DIP2C: variants seen among roughly 807,000 people sequenced by gnomAD.
DIP2C encodes the protein DIP2 acetate--CoA ligase C (putative).
Under a neutral mutation model 192.4 loss-of-function variants are expected in DIP2C, and 33 were observed. The observed-to-expected ratio is 0.17, with a 90% confidence interval of 0.13 to 0.23. The LOEUF is 0.23. Among genes scored for constraint, DIP2C ranks in the 10% least tolerant of loss-of-function variants. DIP2C has a pLI of 1.00. For missense variants in DIP2C, 1,537 were observed against 2,110.1 expected, an observed-to-expected ratio of 0.73 and a Z score of 5.32; for synonymous variants, 979 against 864.1, an observed-to-expected ratio of 1.13 and a Z score of -2.33.
intron 17 of DIP2C, among the ~76,000 whole-genome samples, chr10:379,701 A>G (rs1962152312): frequency 6.6e-6 from 1 of 152,246 alleles, no homozygotes; most frequent in African/African-American, 2.4e-5. Flanking sequence ...ATGCATCTGC[A>G]ATTTTATTTG....
chr10:340,768 C>G (rs568516015), intron 29 of DIP2C: 18 of 457,688 alleles, frequency 3.9e-5, no homozygotes, highest in Non-Finnish European at 6.1e-5. Context: ...GCTCAGCCCT[C>G]GTGGACTCAC....
intron 32 of DIP2C, among the ~76,000 whole-genome samples, chr10:307,802 G>C (rs1237292910): frequency 6.6e-6 from 1 of 152,006 alleles, no homozygotes; most frequent in Non-Finnish European, 1.5e-5. Flanking sequence ...GAGGGCAGCA[G>C]GGAGGGTTCA....
intron 26 of DIP2C, among the ~76,000 whole-genome samples, chr10:347,998 A>G (rs1332636953): frequency 1.5e-5 from 2 of 135,528 alleles, no homozygotes; most frequent in Non-Finnish European, 3.2e-5. Flanking sequence ...CGTCGCGCAT[A>G]GCTCTCCCGG....
At chr10:607,058 G>A (rs754495760) in intron 1 of DIP2C, among the ~76,000 whole-genome samples, 11 of 152,156 alleles carry the variant, frequency 7.2e-5, no homozygotes, top group Non-Finnish European at 1.6e-4. Flanking sequence ...GGCCCTTAAC[G>A]TCCGTACATG....
intron 32 of DIP2C, among the ~76,000 whole-genome samples, chr10:299,971 A>C (rs972741760): frequency 1.3e-5 from 2 of 152,240 alleles, no homozygotes; most frequent in Non-Finnish European, 2.9e-5. Flanking sequence ...ATACCATCTC[A>C]CACCCATTAG....
chr10:662,888 C>T (rs746492847), intron 1 of DIP2C: 62 of 717,422 alleles, frequency 8.6e-5, no homozygotes, highest in Non-Finnish European at 1.5e-4. Flanking sequence ...CCTAGCCCCA[C>T]GTGGAAGAGG....
intron 8 of DIP2C, among the ~76,000 whole-genome samples, chr10:409,964 A>C (rs1327425419): frequency 6.6e-6 from 1 of 152,262 alleles, no homozygotes; most frequent in Non-Finnish European, 1.5e-5. Flanking sequence ...AGACGTGATA[A>C]TGCTGTAATA....
chr10:395,228 G>A (rs1287694102), intron 10 of DIP2C, among the ~76,000 whole-genome samples: 2 of 152,036 alleles, frequency 1.3e-5, no homozygotes, highest in African/African-American at 4.8e-5. Flanking sequence ...GAGATCTATT[G>A]CAGAGCAGGG....
chr10:389,266 A>T (rs1009721707), intron 13 of DIP2C, among the ~76,000 whole-genome samples: 1 of 151,928 alleles, frequency 6.6e-6, no homozygotes. Context: ...ACATCTCAGG[A>T]GGTTTCAGGG....
intron 29 of DIP2C, among the ~76,000 whole-genome samples, chr10:331,221 C>T (rs7070654): frequency 0.36 from 55,351 of 151,930 alleles, 10,212 homozygotes; most frequent in East Asian, 0.46. Context: ...CCAATCTCAT[C>T]TAAAAATTTT....
intron 34 of DIP2C, among the ~76,000 whole-genome samples, chr10:285,960 T>C (rs1057352084): frequency 6.6e-6 from 1 of 152,246 alleles, no homozygotes; most frequent in Non-Finnish European, 1.5e-5. Flanking sequence ...AGCAGGAACG[T>C]GGAAAGCAAA....
rs186524675 is a variant in DIP2C, at chr10:297,227, C to G, written c.3987-8806G>C. On this transcript the variant is annotated intron_variant, in intron 32 of 36. Coordinates refer to ENST00000280886, the MANE Select transcript of DIP2C (RefSeq NM_014974.3). ...CAAAACAAAACAAAACCAACCCCCC[C>G]CCACCCCACCACATACACACACACA... 1.9e-4 allele frequency among the ~76,000 whole-genome samples: 23 copies of G among 120,974 alleles called. No individual in the cohort carries two copies. In the East Asian group the frequency reaches 5.4e-3, roughly 28 times the overall value. 79.4% of individuals were successfully genotyped at this position (120,974 alleles called of 152,430 possible).
At chr10:506,711 A>G (rs565205392) in intron 1 of DIP2C, among the ~76,000 whole-genome samples, 1 of 152,298 alleles carries the variant, frequency 6.6e-6, no homozygotes, top group Admixed American at 6.5e-5. Context: ...CCGGGACAAC[A>G]TTCTATTTGC....
At chr10:655,057 G>A (rs1856195620) in intron 1 of DIP2C, among the ~76,000 whole-genome samples, 1 of 152,060 alleles carries the variant, frequency 6.6e-6, no homozygotes, top group Admixed American at 6.5e-5. Context: ...TTGCTCAGGG[G>A]GCTTGCCTAA....
intron 1 of DIP2C, among the ~76,000 whole-genome samples, chr10:588,281 C>G (rs1851197879): frequency 6.6e-6 from 1 of 152,246 alleles, no homozygotes; most frequent in East Asian, 1.9e-4. Context: ...CCGGAAACCC[C>G]ACATCCACAC....
At chr10:575,394 T>C (rs1348176977) in intron 1 of DIP2C, among the ~76,000 whole-genome samples, 1 of 152,310 alleles carries the variant, frequency 6.6e-6, no homozygotes, top group African/African-American at 2.4e-5. Flanking sequence ...ATTTCTGCCA[T>C]ACACGAGGGG....
intron 1 of DIP2C, among the ~76,000 whole-genome samples, chr10:617,690 C>T (rs1386292420): frequency 2.1e-5 from 3 of 139,790 alleles, no homozygotes; most frequent in East Asian, 2.2e-4. Context: ...GGGCGTCTTC[C>T]ACTTGCGGTT....
At chr10:576,801 G>A (rs1850190285) in intron 1 of DIP2C, among the ~76,000 whole-genome samples, 1 of 152,124 alleles carries the variant, frequency 6.6e-6, no homozygotes, top group African/African-American at 2.4e-5. Context: ...CAGCTACTTG[G>A]GAAGCTGAAG....
At chr10:492,139 G>C (rs979074284) in intron 1 of DIP2C, among the ~76,000 whole-genome samples, 1 of 152,194 alleles carries the variant, frequency 6.6e-6, no homozygotes, top group Non-Finnish European at 1.5e-5. Flanking sequence ...GCGGGCCCCC[G>C]TGTCGGAGAC....
Sources: gnomAD v4.1 joint callset for allele counts (sites outside exome capture counted in the v4.1 genomes callset) on GRCh38, gnomAD v4.1.1 for gene constraint, MANE v1.5 for transcripts, NCBI Gene and HGNC (gene_info 2026-07-23, HGNC 2026-07-21) for gene names.